Variants in ERLEC1 observed in about 807,000 individuals in gnomAD.
ERLEC1 encodes the protein endoplasmic reticulum lectin 1.
A neutral mutation model predicts 68.0 loss-of-function variants in ERLEC1; 47 were observed. That is an observed-to-expected ratio of 0.69 (90% CI 0.55 to 0.88). The LOEUF (loss-of-function observed/expected upper bound fraction) is 0.88, where lower values mean the gene tolerates loss of function less well. Among genes scored for constraint, ERLEC1 ranks in the 40% least tolerant of loss-of-function variants. The pLI is 0.00. For synonymous variants in ERLEC1, 225 were observed against 203.2 expected (o/e 1.11, Z -0.91); for missense variants, 567 against 583.8 (o/e 0.97, Z 0.30).
chr2:53,804,421 G>A (rs775942677), intron 8 of ERLEC1, among the ~76,000 whole-genome samples: 3 of 151,932 alleles, frequency 2.0e-5, no homozygotes, highest in South Asian at 2.1e-4. Context: ...CTATAGGCAC[G>A]TGTCACCATG....
chr2:53,800,906 T>G (rs1675967921), intron 6 of ERLEC1, among the ~76,000 whole-genome samples: 1 of 152,170 alleles, frequency 6.6e-6, no homozygotes, highest in Admixed American at 6.5e-5. Flanking sequence ...GTACTGTATT[T>G]AAACTTCTGT....
chr2:53,799,218 G>T (rs764498104), intron 6 of ERLEC1, 137 bp downstream of exon 6: 326 of 701,892 alleles, frequency 4.6e-4, no homozygotes, highest in Non-Finnish European at 6.8e-4. Context: ...CTGGGTCAAA[G>T]AATCTTTGCA....
intron 5 of ERLEC1, among the ~76,000 whole-genome samples, chr2:53,798,067 C>T (rs183586913): frequency 0.014 from 2,163 of 152,034 alleles, 37 homozygotes; most frequent in African/African-American, 0.045. Flanking sequence ...TGGTGGCAGA[C>T]GCCTGTAGTC....
chr2:53,798,347 G>T (rs934505311), intron 5 of ERLEC1, among the ~76,000 whole-genome samples: 3 of 151,352 alleles, frequency 2.0e-5, no homozygotes, highest in Admixed American at 2.0e-4. Context: ...TTGCAGCCTT[G>T]ACCTCCTGGG....
chr2:53,815,101 G>A (rs1247501335), intron 13 of ERLEC1, among the ~76,000 whole-genome samples, 166 bp downstream of exon 13: 3 of 148,818 alleles, frequency 2.0e-5, no homozygotes, highest in East Asian at 2.0e-4. Flanking sequence ...TGCCTCCCAG[G>A]TTCAAGCAAT....
intron 8 of ERLEC1, among the ~76,000 whole-genome samples, chr2:53,804,002 A>C (rs1395719065): frequency 6.6e-6 from 1 of 152,080 alleles, no homozygotes; most frequent in Non-Finnish European, 1.5e-5. Flanking sequence ...ACGGTGATAC[A>C]CACCTGCAGT....
intron 1 of ERLEC1, among the ~76,000 whole-genome samples, chr2:53,792,370 C>G (rs1045494457): frequency 6.6e-6 from 1 of 152,048 alleles, no homozygotes; most frequent in Admixed American, 6.6e-5. Context: ...GCATAGTAAT[C>G]TAGGAGAAGT....
At chr2:53,797,299 T>C (rs1675765683) in intron 3 of ERLEC1, among the ~76,000 whole-genome samples, 1 of 152,252 alleles carries the variant, frequency 6.6e-6, no homozygotes, top group Admixed American at 6.5e-5. Context: ...AAGTGTATTC[T>C]AGACCTATTT....
rs1676671838 is a variant in ERLEC1, at chr2:53,812,968, C to A, written c.1121C>A (p.Thr374Asn). 6.2e-7 allele frequency: 1 copy of A among 1,612,860 alleles called. No homozygotes were observed. The highest frequency in any genetic ancestry group is 1.3e-5 in the African/African-American group (1 of 74,854). ...QYHEDKDSGK[T>N]SVVVGTWNQE... ...TATTAGGACAAGGATAGTGGGAAAA[C>A]CTCTGTGGTTGTCGGGACATGGAAC... Residue 374 changes from threonine to asparagine, a missense_variant, in exon 11 of 14, where the codon ACC becomes AAC. Transcript: ENST00000185150.
Position 53,815,001 on chromosome 2 carries a change from T to C in ERLEC1, c.1380+66T>C, listed in dbSNP as rs1039494913. 69 of 937,270 alleles carry C rather than the reference T, an allele frequency of 7.4e-5. No individual in the cohort carries two copies. In the Admixed American group the frequency reaches 7.9e-4, roughly 11 times the overall value. The allele number at this position is 937,270 out of a possible 1,614,324, so 58.1% of individuals were successfully genotyped here. On this transcript the variant is annotated intron_variant, in intron 13 of 13. Coordinates refer to ENST00000185150, the MANE Select transcript of ERLEC1 (RefSeq NM_015701.5). Reference sequence around the variant, plus strand: ...CATGTTTTAATTTTTTTTTCTTTTTTTTTTTTTTTTTTTTTGTTTTTTTGA... The same window carrying C: ...CATGTTTTAATTTTTTTTTCTTTTTCTTTTTTTTTTTTTTTGTTTTTTTGA...
At chr2:53,788,987 C>T (rs1166401611) in intron 1 of ERLEC1, among the ~76,000 whole-genome samples, 1 of 151,898 alleles carries the variant, frequency 6.6e-6, no homozygotes, top group Non-Finnish European at 1.5e-5. Context: ...TTACTATAAG[C>T]GAGCGACTAA....
chr2:53,815,570 C>T (rs909442557), intron 13 of ERLEC1, among the ~76,000 whole-genome samples: 1 of 152,114 alleles, frequency 6.6e-6, no homozygotes, highest in South Asian at 2.1e-4. Flanking sequence ...CCAGTAAATA[C>T]CCCTTAGCCT....
At chr2:53,787,865 G>A (rs1276148200) in intron 1 of ERLEC1, among the ~76,000 whole-genome samples, 1 of 152,196 alleles carries the variant, frequency 6.6e-6, no homozygotes, top group Admixed American at 6.5e-5. Context: ...CAGCTCCAAG[G>A]GAACTTTTTC....
chr2:53,792,081 T>G (rs961469899), intron 1 of ERLEC1, among the ~76,000 whole-genome samples: 1 of 151,772 alleles, frequency 6.6e-6, no homozygotes, highest in Admixed American at 6.6e-5. Context: ...CCGGCTAAAT[T>G]TTTTTTGTAT....
At chr2:53,797,835 T>G in intron 5 of ERLEC1, 40 bp downstream of exon 5, 1 of 1,535,400 alleles carries the variant, frequency 6.5e-7, no homozygotes. Context: ...ATGCTGGAAT[T>G]TGGTTTAAAA....
chr2:53,798,820 C>T (rs1483270775), intron 5 of ERLEC1, among the ~76,000 whole-genome samples: 1 of 151,632 alleles, frequency 6.6e-6, no homozygotes, highest in Non-Finnish European at 1.5e-5. Flanking sequence ...TTGTTGTGGC[C>T]AGTTTTCTAC....
At chr2:53,808,591 C>T (rs1235054909) in intron 9 of ERLEC1, 131 bp downstream of exon 9, 2 of 879,672 alleles carry the variant, frequency 2.3e-6, no homozygotes, top group Non-Finnish European at 3.4e-6. Context: ...CCCCAAAGAA[C>T]ATTTTCTTTT....
Position 53,797,752 on chromosome 2 carries a change from C to G in ERLEC1, c.447C>G (p.Tyr149Ter). The G allele has an allele frequency of 6.2e-7, 1 of 1,612,348 alleles. No homozygotes were observed. The highest frequency in any genetic ancestry group is 1.7e-4 in the Middle Eastern group (1 of 5,768). The change falls in exon 5 of 14, where the codon TAC (tyrosine) becomes TAG (stop). Residue 149 changes from tyrosine (Y) to a stop codon, truncating the protein, a stop_gained. Transcript: ENST00000185150. LOFTEE classifies it high-confidence loss of function. ...TGTAGAAAATAAATATTCACGAGTACTACCTTGGGAATATGTTGGCCAAGA... is the reference window on the plus strand; with the variant it reads ...TGTAGAAAATAAATATTCACGAGTAGTACCTTGGGAATATGTTGGCCAAGA... ...ETGQKINIHE[Y>*]YLGNMLAKNL...
rs1676010588 is a variant in ERLEC1, at chr2:53,801,614, A to T, written c.743A>T (p.Lys248Ile). The T allele has an allele frequency of 6.2e-7, 1 of 1,612,498 alleles. No homozygotes were observed. Among genetic ancestry groups the T allele is most frequent in the Non-Finnish European group, 8.5e-7 (1 of 1,178,684 alleles). ...ACACCACTCTTGTGCAGTCATCCTA[A>T]ATATAGGTAGGATGTGCATTTAATA... ...ILTPLLCSHP[K>I]YRFRASPVND... Residue 248 changes from lysine (K) to isoleucine (I), a missense_variant, in exon 7 of 14, where the codon AAA becomes ATA. By Grantham distance (102) the Lys-to-Ile change is moderately radical. Transcript: ENST00000185150.
Sources: allele counts gnomAD v4.1 joint callset (sites outside exome capture counted in the v4.1 genomes callset), GRCh38; gene constraint gnomAD v4.1.1; transcripts MANE v1.5; gene names NCBI Gene and HGNC (gene_info 2026-07-23, HGNC 2026-07-21).